MGMT: variants seen among roughly 807,000 people sequenced by gnomAD.
MGMT encodes O-6-methylguanine-DNA methyltransferase.
MGMT carries 14 observed loss-of-function variants against 15.9 expected under a neutral mutation model. That is an observed-to-expected ratio of 0.88 (90% CI 0.58 to 1.37). MGMT has a LOEUF of 1.37. Ranked by LOEUF, MGMT falls within the 40% of genes most tolerant of loss-of-function variation. The pLI, the probability that MGMT is intolerant of heterozygous loss-of-function variation, is 0.00. For missense variants in MGMT, 282 were observed against 268.1 expected (o/e 1.05, Z -0.36); for synonymous variants, 130 against 118.2 (o/e 1.10, Z -0.65).
chr10:129,540,302 A>T (rs1469408566), intron 2 of MGMT, among the ~76,000 whole-genome samples: 2 of 152,250 alleles, frequency 1.3e-5, no homozygotes, highest in Non-Finnish European at 2.9e-5. Context: ...AGGATTCTGT[A>T]TAAAAATTCA....
chr10:129,512,906 C>G (rs1367830805), intron 1 of MGMT, among the ~76,000 whole-genome samples: 1 of 94,414 alleles, frequency 1.1e-5, no homozygotes, highest in African/African-American at 3.0e-5. Context: ...TAAGGACATA[C>G]CCCCCAAAAT....
At chr10:129,583,901 G>A (rs1351969179) in intron 2 of MGMT, among the ~76,000 whole-genome samples, 2 of 152,186 alleles carry the variant, frequency 1.3e-5, no homozygotes, top group African/African-American at 2.4e-5. Context: ...TACAGTCTAT[G>A]TGTGGGTGCC....
intron 2 of MGMT, among the ~76,000 whole-genome samples, chr10:129,615,351 G>A (rs534746453): frequency 6.6e-6 from 1 of 152,070 alleles, no homozygotes; most frequent in African/African-American, 2.4e-5. Flanking sequence ...CCAGGACCAC[G>A]GCCTCGTTCT....
chr10:129,508,323 T>C lies in MGMT; in HGVS notation c.-12-27918T>C, dbSNP rs146570547. On this transcript the variant is annotated intron_variant, in intron 1 of 4. Transcript: ENST00000651593. ...AGAAGGTATGGGTGAAGGTGGTGTG[T>C]ACCAGGGGTTGGCAGGGGAAGGAGG... Among the ~76,000 whole-genome samples, 586 of 152,150 alleles carry C rather than the reference T, an allele frequency of 3.9e-3. 7 individuals carry two copies. Among genetic ancestry groups the C allele is most frequent in the African/African-American group, 0.013 (556 of 41,488 alleles).
At chr10:129,710,934 C>T (rs1487615277) in intron 3 of MGMT, among the ~76,000 whole-genome samples, 1 of 152,174 alleles carries the variant, frequency 6.6e-6, no homozygotes, top group Non-Finnish European at 1.5e-5. Context: ...ACCATAGTCT[C>T]ACTTCTGAGA....
At chr10:129,657,729 C>CACACACACACACA (rs1564750921) in intron 2 of MGMT, among the ~76,000 whole-genome samples, 1,244 of 122,244 alleles carry the variant, frequency 0.01, 59 homozygotes, top group East Asian at 0.019. Context: ...ACACACACAC[C>CACACACACACACA]CCCTCTCCCC....
rs1409835684 is a variant in MGMT, at chr10:129,496,535, G to A, written c.-13+29239G>A. Among the ~76,000 whole-genome samples, 8 of 152,188 alleles carry A rather than the reference G, an allele frequency of 5.3e-5. No individual in the cohort carries two copies. In the East Asian group the frequency reaches 7.7e-4, roughly 15 times the overall value. On this transcript the variant is annotated intron_variant, in intron 1 of 4. Coordinates refer to ENST00000651593, the MANE Select transcript of MGMT (RefSeq NM_002412.5). ...ATGTCTAAATAAAATACTGGCAGCC[G>A]TCTCTAGCCATTATTTCCATCTGCT...
intron 1 of MGMT, among the ~76,000 whole-genome samples, chr10:129,490,883 T>G (rs1268437178): frequency 6.6e-6 from 1 of 152,250 alleles, no homozygotes; most frequent in Non-Finnish European, 1.5e-5. Flanking sequence ...GAGATTATAA[T>G]ATACACCCTG....
chr10:129,643,539 C>T (rs116180203), intron 2 of MGMT, among the ~76,000 whole-genome samples: 27 of 152,252 alleles, frequency 1.8e-4, no homozygotes, highest in African/African-American at 5.8e-4. Flanking sequence ...CGAGCTCCAC[C>T]TTCTTCAGGC....
intron 2 of MGMT, among the ~76,000 whole-genome samples, chr10:129,699,319 GA>G (rs1848068387): frequency 6.6e-6 from 1 of 151,982 alleles, no homozygotes; most frequent in African/African-American, 2.4e-5. Context: ...TTATGGGGAA[GA>G]GTTGAAAATT....
At chr10:129,749,786 T>G (rs1848733328) in intron 3 of MGMT, among the ~76,000 whole-genome samples, 3 of 152,186 alleles carry the variant, frequency 2.0e-5, no homozygotes. Context: ...CAGTTTTTGG[T>G]ACTGTCACTG....
At chr10:129,583,142 A>G (rs958686773) in intron 2 of MGMT, among the ~76,000 whole-genome samples, 7 of 152,334 alleles carry the variant, frequency 4.6e-5, no homozygotes, top group African/African-American at 1.7e-4. Flanking sequence ...AGCAACAAAT[A>G]TAATAAATGG....
chr10:129,724,742 C>T (rs1282115064), intron 3 of MGMT, among the ~76,000 whole-genome samples: 1 of 152,162 alleles, frequency 6.6e-6, no homozygotes, highest in Non-Finnish European at 1.5e-5. Context: ...TCAATTATAT[C>T]ATCTGAGGTA....
chr10:129,721,306 G>A (rs765235485), intron 3 of MGMT, among the ~76,000 whole-genome samples: 4 of 152,262 alleles, frequency 2.6e-5, no homozygotes, highest in Non-Finnish European at 5.9e-5. Context: ...ATTCATGGGC[G>A]GAGTTCGCGA....
chr10:129,752,024 G>C (rs190470772), intron 3 of MGMT, among the ~76,000 whole-genome samples: 5 of 151,932 alleles, frequency 3.3e-5, no homozygotes, highest in South Asian at 4.2e-4. Flanking sequence ...AAATCCAATC[G>C]GTTGATAATA....
At chr10:129,607,994 G>C (rs536106658) in intron 2 of MGMT, among the ~76,000 whole-genome samples, 1 of 152,288 alleles carries the variant, frequency 6.6e-6, no homozygotes, top group East Asian at 1.9e-4. Context: ...AAGGTTTTCA[G>C]CTGGGAAAAT....
intron 2 of MGMT, among the ~76,000 whole-genome samples, chr10:129,689,279 T>C (rs568006205): frequency 1.3e-5 from 2 of 152,330 alleles, no homozygotes; most frequent in African/African-American, 4.8e-5. Context: ...CACTTCTAGC[T>C]TTCACTTTGT....
chr10:129,598,075 T>C (rs773077271), intron 2 of MGMT, among the ~76,000 whole-genome samples: 12 of 152,120 alleles, frequency 7.9e-5, no homozygotes, highest in Non-Finnish European at 1.8e-4. Flanking sequence ...TCGGTGCACG[T>C]ATTCAATGTT....
intron 2 of MGMT, among the ~76,000 whole-genome samples, chr10:129,707,259 A>G (rs998790232): frequency 6.6e-6 from 1 of 152,060 alleles, no homozygotes; most frequent in African/African-American, 2.4e-5. Flanking sequence ...CCACGGCAAC[A>G]AGAGCAAAAC....
Sources: gnomAD v4.1 joint callset for allele counts (sites outside exome capture counted in the v4.1 genomes callset) on GRCh38, gnomAD v4.1.1 for gene constraint, MANE v1.5 for transcripts, NCBI Gene and HGNC (gene_info 2026-07-23, HGNC 2026-07-21) for gene names.